RNF145: variants seen among roughly 807,000 people sequenced by gnomAD.
RNF145 encodes ring finger protein 145.
A neutral mutation model predicts 57.3 loss-of-function variants in RNF145; 12 were observed. The observed-to-expected ratio is 0.21, with a 90% CI of 0.13 to 0.34. The LOEUF is 0.34. Among genes scored for constraint, RNF145 ranks in the 10% least tolerant of loss-of-function variants. RNF145 has a pLI of 1.00. For synonymous variants in RNF145, 262 were observed against 288.3 expected, an observed-to-expected ratio of 0.91 and a Z score of 0.92; for missense variants, 429 against 799.0, an observed-to-expected ratio of 0.54 and a Z score of 5.58.
In RNF145 at chr5:159,194,835, A is replaced by C. The variant is rs200913144; in HGVS notation, c.185-11T>G. ...CACTTAAGATATAACCTGTACCAGA[A>C]AGATAAATAAAATACAATTTTAATT... On this transcript the variant is annotated splice_polypyrimidine_tract_variant and intron_variant, in intron 2 of 10. Coordinates refer to ENST00000424310, the MANE Select transcript of RNF145 (RefSeq NM_001199383.2). 2 of 1,511,972 alleles carry C rather than the reference A, an allele frequency of 1.3e-6. No individual in the cohort carries two copies. The highest frequency in any genetic ancestry group is 1.4e-5 in the African/African-American group (1 of 71,706). The allele number at this position is 1,511,972 out of a possible 1,614,324, so 93.7% of individuals were successfully genotyped here.
Position 159,163,115 on chromosome 5 carries a change from G to T in RNF145, c.1122-36C>A, listed in dbSNP as rs779169906. On this transcript the variant is annotated intron_variant, in intron 8 of 10. Coordinates refer to ENST00000424310, the MANE Select transcript of RNF145 (RefSeq NM_001199383.2). Reference sequence around the variant, plus strand: ...ACAAAATTATTCTTTTTAAGTGCCTGCCACCTAGTAGCACAACCACTCACA... The same window carrying T: ...ACAAAATTATTCTTTTTAAGTGCCTTCCACCTAGTAGCACAACCACTCACA... 3.8e-6 allele frequency: 6 copies of T among 1,560,608 alleles called. No individual in the cohort carries two copies. The African/African-American group carries it at 8.3e-5, about 22-fold the overall frequency.
intron 8 of RNF145, among the ~76,000 whole-genome samples, chr5:159,166,116 T>C (rs922957161): frequency 6.6e-6 from 1 of 152,158 alleles, no homozygotes; most frequent in Non-Finnish European, 1.5e-5. Flanking sequence ...CCCCTTTCTA[T>C]CTCCTTCCTT....
chr5:159,166,581 T>C (rs559753106), intron 8 of RNF145, among the ~76,000 whole-genome samples: 81 of 152,356 alleles, frequency 5.3e-4, no homozygotes, highest in Non-Finnish European at 1.0e-3. Context: ...AGCTTCATTA[T>C]AGAGTAGCAC....
At chr5:159,209,745 G>A (rs1459425950), upstream of RNF145, 3 of 1,182,502 alleles carry the variant, frequency 2.5e-6, no homozygotes, top group Non-Finnish European at 3.6e-6. Context: ...CTATGGAGAG[G>A]CGTACTGCAG....
intron 1 of RNF145, among the ~76,000 whole-genome samples, chr5:159,204,469 C>T (rs937483434): frequency 1.8e-4 from 28 of 152,022 alleles, no homozygotes; most frequent in African/African-American, 6.3e-4. Flanking sequence ...TGCCATACTG[C>T]TTTATATGGT....
At chr5:159,178,684 T>A (rs1784788815) in intron 4 of RNF145, among the ~76,000 whole-genome samples, 1 of 152,068 alleles carries the variant, frequency 6.6e-6, no homozygotes, top group Admixed American at 6.6e-5. Context: ...AAGAAAATGC[T>A]TATTGGAGTA....
At chr5:159,189,003 A>G (rs575936956) in intron 3 of RNF145, among the ~76,000 whole-genome samples, 28 of 152,312 alleles carry the variant, frequency 1.8e-4, no homozygotes, top group Non-Finnish European at 3.8e-4. Flanking sequence ...TAAAATTATT[A>G]TAAGTGCTGA....
chr5:159,175,442 A>G (rs1194745250), intron 5 of RNF145, among the ~76,000 whole-genome samples: 3 of 152,192 alleles, frequency 2.0e-5, no homozygotes, highest in Non-Finnish European at 4.4e-5. Context: ...TTAAAAAATG[A>G]AGGCTGAGGT....
chr5:159,163,181 AATTCCC>A, intron 8 of RNF145, 102 bp from the exon 9 acceptor site: 1 of 1,085,662 alleles, frequency 9.2e-7, no homozygotes. Flanking sequence ...AAATTTCACA[AATTCCC>A]ACTGAACACC....
At chr5:159,206,493 A>G (rs1230031417) in intron 1 of RNF145, among the ~76,000 whole-genome samples, 1 of 152,188 alleles carries the variant, frequency 6.6e-6, no homozygotes, top group Non-Finnish European at 1.5e-5. Flanking sequence ...CATCAAAACA[A>G]AACTTTAAAA....
At position 159,158,836 on chromosome 5, in the gene RNF145, G is replaced by A; in HGVS notation, c.1826C>T (p.Thr609Ile). The A allele has an allele frequency of 2.5e-6, 4 of 1,613,956 alleles. No individual in the cohort carries two copies. Among genetic ancestry groups the A allele is most frequent in the Non-Finnish European group, 3.4e-6 (4 of 1,179,870 alleles). ...AEQNVMFQEG[T>I]EPPGQEHTPG... The stretch of plus-strand genomic sequence containing the variant: ...AGTATGCTCCTGGCCTGGGGGTTCA[G>A]TACCTTCCTGAAACATGACGTTTTG... Residue 609 changes from threonine (T) to isoleucine (I), a missense_variant, in exon 11 of 11, where the codon ACT becomes ATT. Around this residue, in one of 4 missense-constraint regions of RNF145, gnomAD observed 102 missense variants for 106.2 expected, o/e 0.96. Transcript: ENST00000424310.
chr5:159,205,362 C>T (rs1246180551), intron 1 of RNF145, among the ~76,000 whole-genome samples: 1 of 152,106 alleles, frequency 6.6e-6, no homozygotes, highest in Non-Finnish European at 1.5e-5. Flanking sequence ...AATCTCTAAC[C>T]TTTAATATTT....
chr5:159,208,987 G>C (rs902649268), intron 1 of RNF145, among the ~76,000 whole-genome samples: 19 of 151,430 alleles, frequency 1.3e-4, no homozygotes, highest in African/African-American at 4.6e-4. Flanking sequence ...GGGAGAGCAG[G>C]GTCGGAGGGA....
rs149848174 is a variant in RNF145, at chr5:159,179,805, G to A, written c.385+2155C>T. Among the ~76,000 whole-genome samples the A allele has an allele frequency of 1.8e-3, 270 of 152,094 alleles. 1 individual carries two copies. The highest frequency in any genetic ancestry group is 5.9e-3 in the African/African-American group (245 of 41,498). ...AAAATCCACTCTGTAGAGATTAGTG[G>A]TTTTCCTGCCCCTAGATAAAATCCA... On this transcript the variant is annotated intron_variant, in intron 4 of 10. Coordinates refer to ENST00000424310, the MANE Select transcript of RNF145 (RefSeq NM_001199383.2).
chr5:159,174,100 A>G lies in RNF145; in HGVS notation c.680T>C (p.Val227Ala). The change falls in exon 6 of 11, where the codon GTC (valine) becomes GCC (alanine). Residue 227 changes from valine (V) to alanine (A), a missense_variant. Transcript: ENST00000424310. ...LGMSLWNQLV[V>A]PVLFMVFWLV... ...CCAGAAAACCATGAAAAGAACAGGG[A>G]CTACCAGTTGATTCCACAGGGACAT... 1 of 1,613,674 alleles carries G rather than the reference A, an allele frequency of 6.2e-7. No individual in the cohort carries two copies. Among genetic ancestry groups the G allele is most frequent in the Non-Finnish European group, 8.5e-7 (1 of 1,179,698 alleles).
rs1454719572 is a variant in RNF145, at chr5:159,161,470, G to A, written c.1422C>T (p.Val474=). The part of the protein sequence containing the change: ...LVALCVVAYG[V]SETIFGEWTV... ...TCCATTCTCCAAAGATGGTCTCTGA[G>A]ACGCCATAGGCCACCACACAGAGGG... is the stretch of plus-strand genomic sequence containing the variant. Residue 474 remains valine, a synonymous_variant, in exon 10 of 11, where the codon GTC becomes GTT. Coordinates refer to ENST00000424310, the MANE Select transcript of RNF145 (RefSeq NM_001199383.2). 1 of 1,614,172 alleles carries A rather than the reference G, an allele frequency of 6.2e-7. No homozygotes were observed. Among genetic ancestry groups the A allele is most frequent in the Admixed American group, 1.7e-5 (1 of 60,016 alleles).
In RNF145 at chr5:159,158,989, G is replaced by A. The variant is rs1784129446; in HGVS notation, c.1673C>T (p.Ala558Val). The A allele has an allele frequency of 6.2e-7, 1 of 1,613,612 alleles. No homozygotes were observed. Among genetic ancestry groups the A allele is most frequent in the Non-Finnish European group, 8.5e-7 (1 of 1,179,702 alleles). ...ATACAGCCATTTCTTAAGACAGCCT[G>A]CATGGAAAAAATGACTGCAAGGCGT... is the stretch of plus-strand genomic sequence containing the variant. ...VITPCSHFFH[A>V]GCLKKWLYVQ... is the part of the protein sequence containing the mutation. The change falls in exon 11 of 11, where the codon GCA becomes GTA. Residue 558 changes from alanine (A) to valine (V), a missense_variant. Ala to Val is a moderately conservative substitution (Grantham distance 64). This residue lies in a region of RNF145 where 216 missense variants were observed against 457.6 expected (regional missense o/e 0.47). Coordinates refer to ENST00000424310, the MANE Select transcript of RNF145 (RefSeq NM_001199383.2).
chr5:159,161,649 T>TA, intron 9 of RNF145, 27 bp from the exon 10 acceptor site: 1 of 1,268,084 alleles, frequency 7.9e-7, no homozygotes, highest in Admixed American at 2.1e-5. Context: ...AATGTACGTA[T>TA]CTTGAAATAT....
intron 5 of RNF145, among the ~76,000 whole-genome samples, chr5:159,175,260 G>A (rs1256194789): frequency 6.6e-6 from 1 of 152,058 alleles, no homozygotes; most frequent in African/African-American, 2.4e-5. Flanking sequence ...TCATTACGAG[G>A]CAGAGAATAT....
Sources: allele counts gnomAD v4.1 joint callset (sites outside exome capture counted in the v4.1 genomes callset), GRCh38; gene constraint gnomAD v4.1.1; regional missense constraint gnomAD v4.1.1; transcripts MANE v1.5; gene names NCBI Gene and HGNC (gene_info 2026-07-23, HGNC 2026-07-21).